ACOT7: variants seen among roughly 807,000 people sequenced by gnomAD.
ACOT7 encodes the protein acyl-CoA thioesterase 7.
ACOT7 carries 12 observed loss-of-function variants against 40.2 expected under a neutral mutation model. The ratio of observed to expected loss-of-function variants is 0.30; its 90% CI spans 0.19 to 0.48. The LOEUF (loss-of-function observed/expected upper bound fraction) is 0.48, where lower values mean the gene tolerates loss of function less well. Ranked by LOEUF, ACOT7 falls within the 20% of genes least tolerant of loss-of-function variation. The pLI, the probability that ACOT7 is intolerant of heterozygous loss-of-function variation, is 0.99. For synonymous variants in ACOT7, 228 were observed against 219.5 expected, an observed-to-expected ratio of 1.04 and a Z score of -0.34; for missense variants, 395 against 530.8, an observed-to-expected ratio of 0.74 and a Z score of 2.51.
chr1:6,269,758 C>T (rs533689989), intron 8 of ACOT7, among the ~76,000 whole-genome samples: 8 of 152,376 alleles, frequency 5.3e-5, no homozygotes, highest in African/African-American at 1.9e-4. Flanking sequence ...CCTGTGAGGG[C>T]CCCACTGCTC....
In ACOT7 at chr1:6,289,398, C is replaced by G. The variant is rs1008235649; in HGVS notation, c.829+5466G>C. ...TACAGGAGTGAGCCACCACGCCCAG[C>G]CTGTTTTTGTTTTTTAAATTGAGAC... On this transcript the variant is annotated intron_variant, in intron 7 of 8. Coordinates refer to ENST00000361521, the MANE Select transcript of ACOT7 (RefSeq NM_007274.4). This position sits in a 1 kb window ranked among gnomAD's most constrained non-coding sequence, Gnocchi z 4.6. 1.3e-5 allele frequency among the ~76,000 whole-genome samples: 2 copies of G among 152,022 alleles called. No homozygotes were observed. Among genetic ancestry groups the G allele is most frequent in the African/African-American group, 4.8e-5 (2 of 41,360 alleles).
chr1:6,279,426 T>C (rs1571264504), intron 8 of ACOT7, among the ~76,000 whole-genome samples: 1 of 151,974 alleles, frequency 6.6e-6, no homozygotes, highest in Admixed American at 6.5e-5. Context: ...CAGCCTAGGG[T>C]ACTTTGCCAC....
In ACOT7 at chr1:6,389,848, T is replaced by C. The variant is rs185167683; in HGVS notation, c.143+3409A>G. Among the ~76,000 whole-genome samples the C allele has an allele frequency of 1.2e-3, 184 of 151,968 alleles. 1 individual carries two copies. The highest frequency in any genetic ancestry group is 3.5e-3 in the African/African-American group (146 of 41,440). The stretch of plus-strand genomic sequence containing the variant: ...TGTCTGAACTGAGAACATGTGACCA[T>C]TGTGTCTAAGATGGTGGGAATTTGG... On this transcript the variant is annotated intron_variant, in intron 1 of 8. Transcript: ENST00000361521.
At position 6,383,338 on chromosome 1, in the gene ACOT7, C is replaced by T. The variant is rs902396186; in HGVS notation, c.143+9919G>A. Among the ~76,000 whole-genome samples, 2 of 150,640 alleles carry T rather than the reference C, an allele frequency of 1.3e-5. 1 individual carries two copies. The highest frequency in any genetic ancestry group is 3.0e-5 in the Non-Finnish European group (2 of 67,576). ...AAGTAGCTGAGACTACAGGCGCCCA[C>T]CATGACGCCTGGCTAATTTTTTGTA... On this transcript the variant is annotated intron_variant, in intron 1 of 8. Coordinates refer to ENST00000361521, the MANE Select transcript of ACOT7 (RefSeq NM_007274.4).
intron 4 of ACOT7, among the ~76,000 whole-genome samples, chr1:6,329,788 C>A (rs1640905541): frequency 6.6e-6 from 1 of 152,092 alleles, no homozygotes; most frequent in African/African-American, 2.4e-5. Context: ...AACCTCTTCG[C>A]TAGAGCACAT....
At chr1:6,276,995 C>CG (rs911966371) in intron 8 of ACOT7, among the ~76,000 whole-genome samples, 2 of 152,086 alleles carry the variant, frequency 1.3e-5, no homozygotes, top group African/African-American at 4.8e-5. Flanking sequence ...TGACCACCCC[C>CG]CCCCAGGGTA....
chr1:6,276,123 G>T lies in ACOT7; in HGVS notation c.1014+4979C>A, dbSNP rs964231324. Among the ~76,000 whole-genome samples, 16 of 152,222 alleles carry T rather than the reference G, an allele frequency of 1.1e-4. No homozygotes were observed. The East Asian group carries it at 3.1e-3, about 29-fold the overall frequency. On this transcript the variant is annotated intron_variant, in intron 8 of 8. Transcript: ENST00000361521. Reference sequence around the variant, plus strand: ...TACACCTCCTCCTCAGGCCCAGGCTGGGACCCACAAGTTCTCAGCCCCAAC... The same window carrying T: ...TACACCTCCTCCTCAGGCCCAGGCTTGGACCCACAAGTTCTCAGCCCCAAC...
At position 6,327,342 on chromosome 1, in the gene ACOT7, G is replaced by A. The variant is rs935398786; in HGVS notation, c.582C>T (p.Thr194=). 6.2e-7 allele frequency: 1 copy of A among 1,614,186 alleles called. No homozygotes were observed. The highest frequency in any genetic ancestry group is 8.5e-7 in the Non-Finnish European group (1 of 1,180,026). ...GGACGATGTCCCCGTTCCTCCACTTGGTCTCCATGCGCTCCAGCTTCTGGG... is the reference window on the plus strand; with the variant it reads ...GGACGATGTCCCCGTTCCTCCACTTAGTCTCCATGCGCTCCAGCTTCTGGG... The part of the protein sequence containing the change: ...YEAQKLERME[T]KWRNGDIVQP... Residue 194 remains threonine (T), a synonymous_variant, in exon 5 of 9, where the codon ACC becomes ACT. Transcript: ENST00000361521.
At position 6,352,819 on chromosome 1, in the gene ACOT7, G is replaced by A. The variant is rs4584418; in HGVS notation, c.144-2953C>T. ...AGGATGGTCTTGATCTCCTGACCTC[G>A]TTCGTGATCCCATTTCTAATAAAGA... On this transcript the variant is annotated intron_variant, in intron 1 of 8. Coordinates refer to ENST00000361521, the MANE Select transcript of ACOT7 (RefSeq NM_007274.4). The surrounding 1 kb of genome is among the most constrained non-coding windows in gnomAD (Gnocchi z 4.5). Among the ~76,000 whole-genome samples the A allele has an allele frequency of 0.081, 12,257 of 151,882 alleles. 837 individuals carry two copies. Among genetic ancestry groups the A allele is most frequent in the African/African-American group, 0.18 (7,336 of 41,402 alleles).
Position 6,311,748 on chromosome 1 carries a change from T to C in ACOT7, c.712+6744A>G, listed in dbSNP as rs1183395624. 6.6e-6 allele frequency among the ~76,000 whole-genome samples: 1 copy of C among 152,184 alleles called. No homozygotes were observed. Among genetic ancestry groups the C allele is most frequent in the Non-Finnish European group, 1.5e-5 (1 of 68,020 alleles). On this transcript the variant is annotated intron_variant, in intron 6 of 8. Transcript: ENST00000361521. The surrounding 1 kb of genome is among the most constrained non-coding windows in gnomAD (Gnocchi z 5.2). ...GCTGAGAAGAAGGGAAACACACTCA[T>C]GGACACACGAGTCCAGGAGCGCCCC...
At chr1:6,385,831 C>A in intron 1 of ACOT7, 1 of 1,408,986 alleles carries the variant, frequency 7.1e-7, no homozygotes. Flanking sequence ...CCCACCAGCC[C>A]CCGGCAAGCC....
chr1:6,315,114 C>T (rs1305956443), intron 6 of ACOT7, among the ~76,000 whole-genome samples: 1 of 152,214 alleles, frequency 6.6e-6, no homozygotes, highest in African/African-American at 2.4e-5. Context: ...GAGCTCCTCC[C>T]TTTCCAAGAC....
At position 6,355,171 on chromosome 1, in the gene ACOT7, G is replaced by A. The variant is rs188609405; in HGVS notation, c.144-5305C>T. ...AACGCCTGACCCACCCTTTGTGAAG[G>A]ACAGGGAACCATTCACAAATAGGGG... On this transcript the variant is annotated intron_variant, in intron 1 of 8. Transcript: ENST00000361521. This position sits in a 1 kb window ranked among gnomAD's most constrained non-coding sequence, Gnocchi z 5.0. Among the ~76,000 whole-genome samples, 80 of 152,226 alleles carry A rather than the reference G, an allele frequency of 5.3e-4. No individual in the cohort carries two copies. Among genetic ancestry groups the A allele is most frequent in the Non-Finnish European group, 1.0e-3 (70 of 68,020 alleles).
chr1:6,333,388 C>T, intron 4 of ACOT7, 89 bp downstream of exon 4: 1 of 1,455,196 alleles, frequency 6.9e-7, no homozygotes, highest in Non-Finnish European at 9.6e-7. Flanking sequence ...TCCCTTGAGA[C>T]CCTTAGCTGA....
At chr1:6,366,172 C>T (rs993172347) in intron 1 of ACOT7, among the ~76,000 whole-genome samples, 5 of 151,960 alleles carry the variant, frequency 3.3e-5, no homozygotes, top group Non-Finnish European at 5.9e-5. Flanking sequence ...CTGGGATTAC[C>T]GCCCGGCCTG....
intron 1 of ACOT7, among the ~76,000 whole-genome samples, chr1:6,389,237 T>C (rs952050700): frequency 1.3e-5 from 2 of 152,126 alleles, no homozygotes; most frequent in Non-Finnish European, 2.9e-5. Context: ...CTCAGGAAAC[T>C]TCCTGGTAGA....
At chr1:6,349,314 G>A (rs1025055358) in intron 2 of ACOT7, among the ~76,000 whole-genome samples, 4 of 152,206 alleles carry the variant, frequency 2.6e-5, no homozygotes, top group African/African-American at 9.6e-5. Context: ...AGAGAGCCAC[G>A]GCACTTGCTA....
intron 8 of ACOT7, among the ~76,000 whole-genome samples, chr1:6,276,095 G>A (rs1202133007): frequency 1.3e-5 from 2 of 152,032 alleles, no homozygotes; most frequent in Admixed American, 6.6e-5. Flanking sequence ...ACCCCGCCCT[G>A]TCTACACCTC....
At chr1:6,387,004 C>T (rs2148483705) in intron 1 of ACOT7, among the ~76,000 whole-genome samples, 1 of 152,246 alleles carries the variant, frequency 6.6e-6, no homozygotes, top group East Asian at 1.9e-4. Context: ...CACAAGATCC[C>T]AAGTCTCTGT....
Sources: allele counts gnomAD v4.1 joint callset (sites outside exome capture counted in the v4.1 genomes callset), GRCh38; gene constraint gnomAD v4.1.1; non-coding constraint Gnocchi (gnomAD v3.1); transcripts MANE v1.5; gene names NCBI Gene and HGNC (gene_info 2026-07-23, HGNC 2026-07-21).